Variants in H4C15 observed in about 807,000 individuals in gnomAD.
H4C15 encodes H4 clustered histone 15, also known as histone H4.
the H4C15 span, chr1:149,848,918 G>A: frequency 6.6e-6 from 1 of 152,160 alleles, no homozygotes; most frequent in Non-Finnish European, 1.5e-5. Context: ...AGACCCTAAA[G>A]ACAGGCTTGT....
downstream of H4C15, among the ~76,000 whole-genome samples, chr1:149,849,486 G>C (rs991098087): frequency 6.6e-6 from 1 of 152,136 alleles, no homozygotes; most frequent in Non-Finnish European, 1.5e-5. Flanking sequence ...AGGTTAATGA[G>C]GCTGTGTGAT....
At chr1:149,847,594 A>T in the H4C15 span, 1 of 152,260 alleles carries the variant, frequency 6.6e-6, no homozygotes, top group East Asian at 1.9e-4. Flanking sequence ...GGATCACCTG[A>T]GGTCAGTTCG....
At chr1:149,850,255 C>A (rs1024496342), downstream of H4C15, 1 of 1,174,756 alleles carries the variant, frequency 8.5e-7, no homozygotes, top group South Asian at 1.3e-5. Flanking sequence ...AAAACATCAA[C>A]TGGGACTGAC....
the H4C15 span, chr1:149,848,154 T>C: frequency 2.6e-5 from 4 of 152,212 alleles, no homozygotes; most frequent in Admixed American, 6.5e-5. Flanking sequence ...TTTCCTGTGA[T>C]GGTAATATTA....
chr1:149,849,595 A>G (rs1354514568), downstream of H4C15, among the ~76,000 whole-genome samples: 3 of 152,250 alleles, frequency 2.0e-5, no homozygotes, highest in Non-Finnish European at 2.9e-5. Context: ...CTCTGGCTTC[A>G]GAAATCGTAT....
chr1:149,847,546 C>G, the H4C15 span: 1 of 152,302 alleles, frequency 6.6e-6, no homozygotes, highest in Non-Finnish European at 1.5e-5. Flanking sequence ...CAGTGGCTCA[C>G]ATCTGTAATC....
the H4C15 span, chr1:149,848,132 AC>A: frequency 6.6e-6 from 1 of 152,170 alleles, no homozygotes; most frequent in Non-Finnish European, 1.5e-5. Context: ...CTGAAAAAAA[AC>A]CCTGGACATT....
chr1:149,847,597 T>A, the H4C15 span: 6 of 152,124 alleles, frequency 3.9e-5, no homozygotes, highest in African/African-American at 1.4e-4. Flanking sequence ...TCACCTGAGG[T>A]CAGTTCGAGG....
At chr1:149,850,167 C>T (rs587681613), downstream of H4C15, 3 of 631,498 alleles carry the variant, frequency 4.8e-6, no homozygotes, top group Admixed American at 2.5e-5. Context: ...TTACTTATAG[C>T]AATGCCTATG....
chr1:149,844,896 G>A, the H4C15 span: 2 of 152,054 alleles, frequency 1.3e-5, no homozygotes, highest in South Asian at 2.1e-4. Flanking sequence ...TGAGAGATAA[G>A]GCCTAAGCCT....
chr1:149,850,421 C>G (rs782731058), downstream of H4C15: 6 of 1,169,278 alleles, frequency 5.1e-6, no homozygotes, highest in African/African-American at 9.3e-5. Context: ...ACTTGGTGAC[C>G]GCCTTGGTGC....
chr1:149,850,617 T>C, downstream of H4C15: 1 of 529,684 alleles, frequency 1.9e-6, no homozygotes, highest in Non-Finnish European at 3.2e-6. Flanking sequence ...CAGATGCCGG[T>C]GTCGGGGTGG....
chr1:149,855,384 G>GGTGTGTGTGTGTGTGTGT (rs1162535434), downstream of H4C15, among the ~76,000 whole-genome samples: 68 of 139,274 alleles, frequency 4.9e-4, 1 homozygote, highest in South Asian at 9.0e-4. Context: ...GTGGGGGACA[G>GGTGTGTGTGTGTGTGTGT]GTGTGTGTGT....
the H4C15 span, chr1:149,848,060 T>C: frequency 6.6e-6 from 1 of 152,192 alleles, no homozygotes; most frequent in Admixed American, 6.5e-5. Flanking sequence ...CCCAGGAAAT[T>C]AGTACAACTA....
the H4C15 span, chr1:149,847,479 G>A: frequency 6.6e-6 from 1 of 152,158 alleles, no homozygotes; most frequent in African/African-American, 2.4e-5. Flanking sequence ...TCTTTAGGGT[G>A]GGCCCTAATC....
At chr1:149,850,145 A>G (rs782675290), downstream of H4C15, 6 of 574,392 alleles carry the variant, frequency 1.0e-5, no homozygotes, top group Admixed American at 2.8e-5. Flanking sequence ...ACCACTATCA[A>G]TCTATGTAAG....
the H4C15 span, chr1:149,845,192 A>T: frequency 6.6e-6 from 1 of 152,342 alleles, no homozygotes; most frequent in South Asian, 2.1e-4. Flanking sequence ...CAGGTATGAA[A>T]GCAATATGAC....
At chr1:149,847,244 C>T in the H4C15 span, 4 of 152,208 alleles carry the variant, frequency 2.6e-5, no homozygotes, top group African/African-American at 7.2e-5. Flanking sequence ...CTCAGAATCA[C>T]ATCTGCAAAA....
the H4C15 span, chr1:149,845,020 G>A: frequency 2.0e-5 from 3 of 152,278 alleles, no homozygotes; most frequent in South Asian, 2.1e-4. Context: ...CATGGCGTTC[G>A]GTAAATAACC....
Sources: gnomAD v4.1 joint callset for allele counts (sites outside exome capture counted in the v4.1 genomes callset) on GRCh38, gnomAD v4.1.1 for gene constraint, MANE v1.5 for transcripts, NCBI Gene and HGNC (gene_info 2026-07-23, HGNC 2026-07-21) for gene names.